The following SYN2 variants were observed in gnomAD, a reference collection of about 807,000 sequenced individuals.
SYN2 encodes the protein synapsin-2.
A neutral mutation model predicts 50.9 loss-of-function variants in SYN2; 19 were observed. The observed-to-expected ratio is 0.37, with a 90% CI of 0.26 to 0.55. The LOEUF (loss-of-function observed/expected upper bound fraction) is 0.55. Among genes scored for constraint, SYN2 ranks in the 20% least tolerant of loss-of-function variants. The pLI is 0.81. For synonymous variants in SYN2, 255 were observed against 224.9 expected, an observed-to-expected ratio of 1.13 and a Z score of -1.20; for missense variants, 587 against 576.4, an observed-to-expected ratio of 1.02 and a Z score of -0.19.
At chr3:12,070,929 A>ATCC in intron 1 of SYN2, 8 of 555,208 alleles carry the variant, frequency 1.4e-5, no homozygotes, top group Non-Finnish European at 2.9e-5. Flanking sequence ...CCACCGCCGC[A>ATCC]TCCTCCTCCT....
intron 7 of SYN2, among the ~76,000 whole-genome samples, chr3:12,163,050 C>G (rs1169836104): frequency 6.6e-6 from 1 of 151,964 alleles, no homozygotes; most frequent in Non-Finnish European, 1.5e-5. Flanking sequence ...ACCATCCTGG[C>G]TAACATGGTG....
intron 1 of SYN2, among the ~76,000 whole-genome samples, chr3:12,106,712 G>C (rs1028429376): frequency 6.6e-6 from 1 of 152,068 alleles, no homozygotes; most frequent in Non-Finnish European, 1.5e-5. Context: ...AAAACATTTA[G>C]CTAAATAAAT....
intron 1 of SYN2, among the ~76,000 whole-genome samples, chr3:12,053,497 A>G (rs773654950): frequency 3.3e-5 from 5 of 151,506 alleles, no homozygotes; most frequent in Non-Finnish European, 7.4e-5. Context: ...CTTTCTCATT[A>G]TCTGATAAAT....
intron 1 of SYN2, among the ~76,000 whole-genome samples, chr3:12,049,926 T>C (rs1694819015): frequency 6.6e-6 from 1 of 152,112 alleles, no homozygotes. Context: ...TCGACAGTTT[T>C]TGTTTGTTTT....
intron 1 of SYN2, among the ~76,000 whole-genome samples, chr3:12,134,609 A>G (rs1038482106): frequency 4.6e-5 from 7 of 152,242 alleles, no homozygotes; most frequent in Admixed American, 2.0e-4. Context: ...TTGGGTTCCC[A>G]TAATGCTGTG....
chr3:12,112,878 G>A (rs160209), intron 1 of SYN2, among the ~76,000 whole-genome samples: 97,045 of 151,996 alleles, frequency 0.64, 33,595 homozygotes, highest in South Asian at 0.78. Flanking sequence ...TATAATTGTG[G>A]TACAAGTAGT....
intron 1 of SYN2, among the ~76,000 whole-genome samples, chr3:12,137,083 A>G (rs914735975): frequency 6.6e-6 from 1 of 151,866 alleles, no homozygotes; most frequent in Admixed American, 6.6e-5. Flanking sequence ...TTGTCTGTAC[A>G]AAAAAAATTT....
intron 1 of SYN2, among the ~76,000 whole-genome samples, chr3:12,132,599 G>A (rs750979284): frequency 1.2e-4 from 19 of 152,096 alleles, no homozygotes; most frequent in Non-Finnish European, 2.4e-4. Flanking sequence ...CATTATTTTA[G>A]CTTTACTAAA....
intron 10 of SYN2, among the ~76,000 whole-genome samples, chr3:12,182,832 C>A (rs1698253970): frequency 6.6e-6 from 1 of 152,238 alleles, no homozygotes; most frequent in African/African-American, 2.4e-5. Context: ...CACACATACA[C>A]TCCTCCCCTG....
chr3:12,026,508 T>A (rs2125138698), intron 1 of SYN2, among the ~76,000 whole-genome samples: 1 of 152,152 alleles, frequency 6.6e-6, no homozygotes, highest in Admixed American at 6.5e-5. Context: ...TGGGGAAGGA[T>A]TAACAACAAA....
rs537691435 is a variant in SYN2 at position 12,049,726 on chromosome 3, C to T, written c.377+44798C>T. The stretch of plus-strand genomic sequence containing the variant: ...TTGTGATGTTTTCTGCTATGACATT[C>T]TTCTCTTTTATTCATTTATATATCC... On this transcript the variant is annotated intron_variant, in intron 1 of 12. Transcript: ENST00000621198. Among the ~76,000 whole-genome samples the T allele has an allele frequency of 2.1e-3, 314 of 152,192 alleles. 1 individual carries two copies. The highest frequency in any genetic ancestry group is 6.5e-3 in the African/African-American group (268 of 41,500).
At chr3:12,058,107 T>A (rs1279703688) in intron 1 of SYN2, among the ~76,000 whole-genome samples, 1 of 152,240 alleles carries the variant, frequency 6.6e-6, no homozygotes, top group Non-Finnish European at 1.5e-5. Context: ...TTAAGTTTCT[T>A]ACCTACAATG....
intron 1 of SYN2, among the ~76,000 whole-genome samples, chr3:12,081,830 A>C (rs1162476140): frequency 6.6e-6 from 1 of 152,144 alleles, no homozygotes; most frequent in African/African-American, 2.4e-5. Flanking sequence ...TCTTACTTCA[A>C]GGCCCAACTC....
At chr3:12,157,343 A>G (rs772593444) in intron 5 of SYN2, 12 of 1,590,624 alleles carry the variant, frequency 7.5e-6, no homozygotes, top group Admixed American at 6.7e-5. Context: ...CACTTTCTCC[A>G]TCAGCCTTAG....
intron 1 of SYN2, among the ~76,000 whole-genome samples, chr3:12,047,059 GT>G (rs1305022396): frequency 6.6e-6 from 1 of 152,088 alleles, no homozygotes; most frequent in African/African-American, 2.4e-5. Flanking sequence ...GCACTACCTT[GT>G]TTTTTTCATG....
intron 1 of SYN2, among the ~76,000 whole-genome samples, chr3:12,026,320 G>A (rs1414916257): frequency 6.6e-6 from 1 of 152,048 alleles, no homozygotes. Context: ...GATGATACTA[G>A]ATGATCTCTA....
intron 1 of SYN2, among the ~76,000 whole-genome samples, chr3:12,024,352 G>A (rs6765812): frequency 0.1 from 15,146 of 151,704 alleles, 1,481 homozygotes; most frequent in African/African-American, 0.25. Flanking sequence ...TGGAGATGGG[G>A]TTTCACCATG....
At chr3:12,113,404 T>C (rs1186406424) in intron 1 of SYN2, among the ~76,000 whole-genome samples, 1 of 152,182 alleles carries the variant, frequency 6.6e-6, no homozygotes, top group African/African-American at 2.4e-5. Flanking sequence ...GTAAAAGTTA[T>C]GCTTCGAGAA....
chr3:12,151,414 T>C, intron 5 of SYN2, 88 bp downstream of exon 5: 1 of 1,010,162 alleles, frequency 9.9e-7, no homozygotes, highest in Non-Finnish European at 1.5e-6. Flanking sequence ...GAAAAGGGCC[T>C]CAGCATCTCA....
Sources: gnomAD v4.1 joint callset for allele counts (sites outside exome capture counted in the v4.1 genomes callset) on GRCh38, gnomAD v4.1.1 for gene constraint, MANE v1.5 for transcripts, NCBI Gene and HGNC (gene_info 2026-07-23, HGNC 2026-07-21) for gene names.